ARL15: variants seen among roughly 807,000 people sequenced by gnomAD.
ARL15 encodes the protein ARF like GTPase 15, also known as ADP-ribosylation factor-like protein 15.
A neutral mutation model predicts 25.2 loss-of-function variants in ARL15; 19 were observed. The ratio of observed to expected loss-of-function variants is 0.75; its 90% CI spans 0.53 to 1.10. ARL15 has a LOEUF of 1.10. Among genes scored for constraint, ARL15 ranks in the 50% least tolerant of loss-of-function variants. The pLI, the probability that ARL15 is intolerant of heterozygous loss-of-function variation, is 0.00. For missense variants in ARL15, 220 were observed against 246.0 expected (o/e 0.89, Z 0.71); for synonymous variants, 94 against 86.8 (o/e 1.08, Z -0.46).
chr5:54,209,867 C>A (rs1270841152), intron 1 of ARL15, among the ~76,000 whole-genome samples: 1 of 152,090 alleles, frequency 6.6e-6, no homozygotes, highest in African/African-American at 2.4e-5. Context: ...CCTATCTTCT[C>A]CCTCAAAGAA....
intron 3 of ARL15, among the ~76,000 whole-genome samples, chr5:54,132,747 G>A (rs1753477403): frequency 6.6e-6 from 1 of 152,262 alleles, no homozygotes; most frequent in African/African-American, 2.4e-5. Context: ...ACTTCCTGAT[G>A]TTGCCATGGC....
intron 1 of ARL15, among the ~76,000 whole-genome samples, chr5:54,202,688 G>A (rs185452235): frequency 3.0e-4 from 45 of 152,178 alleles, no homozygotes; most frequent in African/African-American, 9.9e-4. Context: ...ATACAAGTGG[G>A]ATGCCAAAAA....
chr5:53,910,072 C>T (rs2111974433), intron 4 of ARL15, among the ~76,000 whole-genome samples: 1 of 152,298 alleles, frequency 6.6e-6, no homozygotes, highest in South Asian at 2.1e-4. Context: ...GGCAACCTTT[C>T]AGGCAGGCCA....
chr5:54,095,676 T>C (rs1347564694), intron 4 of ARL15, among the ~76,000 whole-genome samples: 1 of 152,124 alleles, frequency 6.6e-6, no homozygotes, highest in Admixed American at 6.5e-5. Context: ...TAGAATACAA[T>C]AGCCACTCTG....
At chr5:54,048,809 A>C (rs1171089229) in intron 4 of ARL15, among the ~76,000 whole-genome samples, 1 of 151,358 alleles carries the variant, frequency 6.6e-6, no homozygotes, top group East Asian at 1.9e-4. Context: ...AAAAAAAAAA[A>C]CAACAGTCCG....
intron 4 of ARL15, among the ~76,000 whole-genome samples, chr5:53,956,291 C>T (rs1047043829): frequency 1.1e-4 from 16 of 151,740 alleles, no homozygotes; most frequent in African/African-American, 3.6e-4. Flanking sequence ...CTAACAGCTG[C>T]AGCTTACAGC....
At chr5:54,138,848 T>C (rs1376094820) in intron 3 of ARL15, among the ~76,000 whole-genome samples, 3 of 151,840 alleles carry the variant, frequency 2.0e-5, no homozygotes, top group African/African-American at 4.8e-5. Context: ...TATCAAAAAA[T>C]AGGCAAATGA....
At chr5:54,050,050 TTC>T (rs1459901494) in intron 4 of ARL15, among the ~76,000 whole-genome samples, 2 of 152,164 alleles carry the variant, frequency 1.3e-5, no homozygotes, top group African/African-American at 4.8e-5. Flanking sequence ...GCAGGGAATT[TTC>T]TCTTTTTGTT....
intron 3 of ARL15, among the ~76,000 whole-genome samples, chr5:54,132,640 A>G (rs1012630443): frequency 1.3e-5 from 2 of 151,838 alleles, no homozygotes; most frequent in Admixed American, 6.6e-5. Context: ...CTCCATAGAT[A>G]GGGGCTGCTG....
chr5:54,235,922 TAC>T (rs1756792189), intron 1 of ARL15, among the ~76,000 whole-genome samples: 1 of 152,362 alleles, frequency 6.6e-6, no homozygotes, highest in South Asian at 2.1e-4. Context: ...TTAAGGAAAT[TAC>T]AGTTATAATT....
intron 1 of ARL15, among the ~76,000 whole-genome samples, chr5:54,178,518 T>C (rs1754953102): frequency 1.3e-5 from 2 of 152,176 alleles, no homozygotes; most frequent in Non-Finnish European, 2.9e-5. Flanking sequence ...ATAAATACTT[T>C]TTAGATTAAC....
chr5:54,291,506 G>A (rs1758318308), intron 1 of ARL15, among the ~76,000 whole-genome samples: 2 of 151,864 alleles, frequency 1.3e-5, no homozygotes, highest in African/African-American at 4.8e-5. Flanking sequence ...TTTACAATTT[G>A]CAGTTCATTG....
At chr5:54,176,711 G>A (rs925313293) in intron 1 of ARL15, among the ~76,000 whole-genome samples, 2 of 152,124 alleles carry the variant, frequency 1.3e-5, no homozygotes, top group South Asian at 2.1e-4. Context: ...GTTTCCCCAC[G>A]ATTAACCAGT....
intron 4 of ARL15, among the ~76,000 whole-genome samples, chr5:54,089,535 T>C (rs1188824574): frequency 6.6e-6 from 1 of 152,202 alleles, no homozygotes; most frequent in Non-Finnish European, 1.5e-5. Flanking sequence ...AAAAGTTTTT[T>C]ACCTACTACG....
chr5:54,201,558 G>A (rs577880500), intron 1 of ARL15, among the ~76,000 whole-genome samples: 2 of 152,004 alleles, frequency 1.3e-5, no homozygotes, highest in Non-Finnish European at 1.5e-5. Context: ...CCAGTCTTCC[G>A]CAAGAATCCT....
intron 1 of ARL15, among the ~76,000 whole-genome samples, chr5:54,296,948 A>T (rs1474159759): frequency 6.6e-6 from 1 of 152,208 alleles, no homozygotes; most frequent in African/African-American, 2.4e-5. Context: ...CTAGTGTGAG[A>T]TGGGCTTATT....
chr5:54,249,490 C>T (rs186232473), intron 1 of ARL15, among the ~76,000 whole-genome samples: 15 of 151,818 alleles, frequency 9.9e-5, no homozygotes, highest in Admixed American at 5.9e-4. Context: ...CAGAAGGGAA[C>T]GGGAAGAGTA....
intron 1 of ARL15, among the ~76,000 whole-genome samples, chr5:54,272,135 G>A (rs1432154998): frequency 3.5e-4 from 4 of 11,298 alleles, no homozygotes; most frequent in East Asian, 2.6e-3. Context: ...TTTTTTTTTT[G>A]AAGACTAGGT....
chr5:54,247,919 G>A (rs1757133050), intron 1 of ARL15, among the ~76,000 whole-genome samples: 2 of 152,050 alleles, frequency 1.3e-5, no homozygotes, highest in Admixed American at 6.6e-5. Flanking sequence ...AATGGGGAGA[G>A]CTGGTGAATG....
Sources: gnomAD v4.1 joint callset for allele counts (sites outside exome capture counted in the v4.1 genomes callset) on GRCh38, gnomAD v4.1.1 for gene constraint, MANE v1.5 for transcripts, NCBI Gene and HGNC (gene_info 2026-07-23, HGNC 2026-07-21) for gene names.